The following LRRC37A2 variants were observed in gnomAD, a reference collection of about 807,000 sequenced individuals.
LRRC37A2 encodes the protein leucine-rich repeat-containing protein 37A2.
In LRRC37A2, 9 loss-of-function variants were observed where a neutral mutation model predicts 68.8. That is an observed-to-expected ratio of 0.13 (90% CI 0.08 to 0.23). The LOEUF is 0.23. Among genes scored for constraint, LRRC37A2 ranks in the 10% least tolerant of loss-of-function variants. The pLI, the probability that LRRC37A2 is intolerant of heterozygous loss-of-function variation, is 1.00. For synonymous variants in LRRC37A2, 63 were observed against 367.6 expected, an observed-to-expected ratio of 0.17 and a Z score of 9.48; for missense variants, 168 against 950.4, an observed-to-expected ratio of 0.18 and a Z score of 10.82.
At chr17:46,901,340 T>G in the LRRC37A2 span, among the ~76,000 whole-genome samples, 2 of 152,036 alleles carry the variant, frequency 1.3e-5, no homozygotes, top group Non-Finnish European at 2.9e-5. Flanking sequence ...TTTTCTATTT[T>G]TAATAGAGAC....
chr17:46,982,667 C>T, the LRRC37A2 span, among the ~76,000 whole-genome samples: 2 of 152,196 alleles, frequency 1.3e-5, no homozygotes, highest in Admixed American at 1.3e-4. Flanking sequence ...TATCCCCGTC[C>T]CCCTCTCTCC....
chr17:46,878,663 C>T, the LRRC37A2 span, among the ~76,000 whole-genome samples: 16 of 152,318 alleles, frequency 1.1e-4, no homozygotes, highest in Admixed American at 2.0e-4. Flanking sequence ...CTGCCTCCAC[C>T]CAGGCTCAGT....
the LRRC37A2 span, among the ~76,000 whole-genome samples, chr17:46,768,003 G>A: frequency 6.6e-6 from 1 of 152,260 alleles, no homozygotes. This position sits in a 1 kb window ranked among gnomAD's most constrained non-coding sequence, Gnocchi z 5.0. Flanking sequence ...GGCCAGGCCG[G>A]TCTCGAACTC....
the LRRC37A2 span, chr17:46,721,935 G>A: frequency 6.8e-4 from 1,087 of 1,597,752 alleles, 16 homozygotes; most frequent in South Asian, 0.011. Flanking sequence ...CGTACTAGCC[G>A]GACTTGGATT....
chr17:46,908,677 G>A, the LRRC37A2 span, among the ~76,000 whole-genome samples: 3 of 152,180 alleles, frequency 2.0e-5, no homozygotes, highest in African/African-American at 7.2e-5. Context: ...CATGCTGGGA[G>A]CAGGGGAAGA....
At chr17:47,016,021 T>C in the LRRC37A2 span, among the ~76,000 whole-genome samples, 1 of 152,194 alleles carries the variant, frequency 6.6e-6, no homozygotes, top group African/African-American at 2.4e-5. Context: ...CTCGGCTCAC[T>C]GCAACCTCTG....
the LRRC37A2 span, chr17:47,024,822 G>A: frequency 1.6e-5 from 10 of 644,156 alleles, no homozygotes; most frequent in African/African-American, 1.9e-4. Context: ...GTTCAAATTA[G>A]ATAATCTCTC....
At chr17:47,047,533 CCA>C in the LRRC37A2 span, among the ~76,000 whole-genome samples, 2 of 150,354 alleles carry the variant, frequency 1.3e-5, no homozygotes, top group African/African-American at 4.9e-5. Flanking sequence ...ACATTAACAT[CCA>C]CACACTGTGT....
At chr17:46,921,979 C>G in the LRRC37A2 span, among the ~76,000 whole-genome samples, 2 of 152,346 alleles carry the variant, frequency 1.3e-5, no homozygotes, top group African/African-American at 4.8e-5. Flanking sequence ...CATCCCATTA[C>G]TGGGTATATA....
At chr17:46,935,711 G>A in the LRRC37A2 span, 18 of 988,872 alleles carry the variant, frequency 1.8e-5, no homozygotes, top group African/African-American at 2.1e-4. Flanking sequence ...TGATCCCAGC[G>A]ACTCTTCACT....
At chr17:46,781,226 C>A in the LRRC37A2 span, among the ~76,000 whole-genome samples, 1 of 58,984 alleles carries the variant, frequency 1.7e-5, no homozygotes, top group East Asian at 1.2e-3. Context: ...ACTCTGTCCC[C>A]CCAACCAAAA....
chr17:47,008,111 ATTT>A, the LRRC37A2 span, among the ~76,000 whole-genome samples: 3 of 142,248 alleles, frequency 2.1e-5, no homozygotes, highest in Admixed American at 7.1e-5. Flanking sequence ...AATTTAATTA[ATTT>A]TTTTTTTTTT....
the LRRC37A2 span, among the ~76,000 whole-genome samples, chr17:47,044,626 T>C: frequency 6.8e-6 from 1 of 147,244 alleles, no homozygotes; most frequent in African/African-American, 2.4e-5. Flanking sequence ...ATGAAAGTTA[T>C]ACAGGTGTTC....
the LRRC37A2 span, among the ~76,000 whole-genome samples, chr17:46,999,978 A>C: frequency 2.1e-5 from 3 of 146,246 alleles, no homozygotes; most frequent in Non-Finnish European, 4.5e-5. Context: ...CAGCCTGGGC[A>C]ACAGAGGAAG....
At chr17:47,041,498 C>G in the LRRC37A2 span, among the ~76,000 whole-genome samples, 5 of 85,050 alleles carry the variant, frequency 5.9e-5, no homozygotes, top group Non-Finnish European at 9.3e-5. Context: ...CACTCTGTTG[C>G]CCAGGCTGGA....
At chr17:46,826,688 G>T in the LRRC37A2 span, among the ~76,000 whole-genome samples, 1 of 152,046 alleles carries the variant, frequency 6.6e-6, no homozygotes, top group Admixed American at 6.6e-5. Context: ...TGCCTATTCA[G>T]CAGAGTGATA....
chr17:46,920,495 T>C, the LRRC37A2 span, among the ~76,000 whole-genome samples: 1 of 152,214 alleles, frequency 6.6e-6, no homozygotes, highest in East Asian at 1.9e-4. Flanking sequence ...CAAAACTGGG[T>C]GGGATCCAGG....
chr17:46,987,844 A>G, the LRRC37A2 span, among the ~76,000 whole-genome samples: 2 of 152,230 alleles, frequency 1.3e-5, no homozygotes, highest in Non-Finnish European at 2.9e-5. Flanking sequence ...GCATATACTT[A>G]CACATACTTT....
chr17:47,038,019 AT>A, the LRRC37A2 span, among the ~76,000 whole-genome samples: 1 of 152,060 alleles, frequency 6.6e-6, no homozygotes. Flanking sequence ...GGTCTTCTGT[AT>A]TTGTGCAGTG....
Sources: allele counts gnomAD v4.1 joint callset (sites outside exome capture counted in the v4.1 genomes callset), GRCh38; gene constraint gnomAD v4.1.1; non-coding constraint Gnocchi (gnomAD v3.1); transcripts MANE v1.5; gene names NCBI Gene and HGNC (gene_info 2026-07-23, HGNC 2026-07-21).